Variants in TTK observed in about 807,000 individuals in gnomAD.
TTK encodes TTK protein kinase.
TTK carries 59 observed loss-of-function variants against 117.3 expected under a neutral mutation model. That is an observed-to-expected ratio of 0.50 (90% CI 0.41 to 0.62). The LOEUF (loss-of-function observed/expected upper bound fraction) is 0.62. TTK is among the 20% of genes least tolerant of loss of function. The pLI is 0.00. For synonymous variants in TTK, 302 were observed against 325.0 expected, an observed-to-expected ratio of 0.93 and a Z score of 0.76; for missense variants, 921 against 989.4, an observed-to-expected ratio of 0.93 and a Z score of 0.93.
chr6:80,030,555 T>A (rs981287984), intron 13 of TTK, among the ~76,000 whole-genome samples: 1 of 152,100 alleles, frequency 6.6e-6, no homozygotes, highest in Non-Finnish European at 1.5e-5. Context: ...CTCAGGAAAC[T>A]TTCAATCATG....
chr6:80,022,421 A>T lies in TTK; in HGVS notation c.1206A>T (p.Ala402=). The T allele has an allele frequency of 6.2e-7, 1 of 1,614,068 alleles. No individual in the cohort carries two copies. Among genetic ancestry groups the T allele is most frequent in the Non-Finnish European group, 8.5e-7 (1 of 1,179,978 alleles). ...AGTGTATTAACCAGAATCCTGCTGC[A>T]TCTTCAAATCACTGGCAGATTCCGG... is the stretch of plus-strand genomic sequence containing the variant. ...KSECINQNPA[A]SSNHWQIPEL... The change falls in exon 11 of 22, where the codon GCA becomes GCT. Residue 402 remains alanine (A), a synonymous_variant. Coordinates refer to ENST00000369798, the MANE Select transcript of TTK (RefSeq NM_003318.5).
intron 4 of TTK, 113 bp downstream of exon 4, chr6:80,008,605 G>T (rs1226940270): frequency 1.1e-6 from 1 of 920,900 alleles, no homozygotes; most frequent in Admixed American, 3.1e-5. Flanking sequence ...AGACATTAAA[G>T]TTGATCAGAT....
intron 21 of TTK, among the ~76,000 whole-genome samples, chr6:80,041,379 A>G (rs898356114): frequency 6.6e-6 from 1 of 151,834 alleles, no homozygotes; most frequent in Non-Finnish European, 1.5e-5. Context: ...GAAGGAATTT[A>G]CTATATATTC....
At chr6:80,010,691 A>T (rs1316573273) in intron 4 of TTK, 123 bp from the exon 5 acceptor site, 1 of 966,366 alleles carries the variant, frequency 1.0e-6, no homozygotes, top group Non-Finnish European at 1.5e-6. Context: ...GAGCCTTGGA[A>T]TAAATATTTT....
At chr6:80,022,512 A>G (rs1434151007) in intron 11 of TTK, 40 bp downstream of exon 11, 13 of 1,596,142 alleles carry the variant, frequency 8.1e-6, no homozygotes, top group Non-Finnish European at 1.1e-5. Flanking sequence ...TTTTTTGTTC[A>G]TAATGCATTT....
chr6:80,024,748 A>G (rs1767561475), intron 11 of TTK, among the ~76,000 whole-genome samples: 1 of 152,230 alleles, frequency 6.6e-6, no homozygotes, highest in Non-Finnish European at 1.5e-5. Flanking sequence ...AAGAAAAAGT[A>G]TAGAATCTAG....
rs774160816 is a variant in TTK at position 80,011,972 on chromosome 6, T to A, written c.888T>A (p.Phe296Leu). The A allele has an allele frequency of 6.2e-7, 1 of 1,605,762 alleles. No individual in the cohort carries two copies. The highest frequency in any genetic ancestry group is 1.3e-5 in the African/African-American group (1 of 74,612). The change falls in exon 8 of 22, where the codon TTT becomes TTA. Residue 296 changes from phenylalanine (F) to leucine (L), a missense_variant. Physicochemically the swap from Phe to Leu is conservative, Grantham distance 22 (BLOSUM62 0). Coordinates refer to ENST00000369798, the MANE Select transcript of TTK (RefSeq NM_003318.5). ...CAGATGATTCAGTTGTACCTTGTTT[T>A]ATGAAAAGGTATGTTGAGTTTTAAT... ...VKTDDSVVPCFMKRQTSRSEC... is the reference protein window; with the variant it reads ...VKTDDSVVPCLMKRQTSRSEC...
chr6:80,029,102 T>G (rs888034184), intron 13 of TTK, among the ~76,000 whole-genome samples: 1 of 152,072 alleles, frequency 6.6e-6, no homozygotes, highest in Non-Finnish European at 1.5e-5. Context: ...AACCCATGAG[T>G]AATTAACTAT....
At chr6:80,018,461 CAA>C (rs34854423) in intron 10 of TTK, among the ~76,000 whole-genome samples, 73 of 144,276 alleles carry the variant, frequency 5.1e-4, no homozygotes, top group Middle Eastern at 3.6e-3. Flanking sequence ...GCTAAAAATA[CAA>C]AAAAAAAAAA....
At chr6:80,032,681 A>G (rs1767790877) in intron 14 of TTK, among the ~76,000 whole-genome samples, 1 of 152,146 alleles carries the variant, frequency 6.6e-6, no homozygotes, top group Non-Finnish European at 1.5e-5. Flanking sequence ...TATCTAGCCA[A>G]TCAGCAGATC....
intron 17 of TTK, 68 bp from the exon 18 acceptor site, chr6:80,037,899 T>A: frequency 1.3e-6 from 1 of 789,500 alleles, no homozygotes; most frequent in Non-Finnish European, 1.8e-6. Context: ...AATAATAATC[T>A]CAAAAAAAAA....
Position 80,039,855 on chromosome 6 carries a change from C to A in TTK, c.2290C>A (p.Leu764Ile). Residue 764 changes from leucine (L) to isoleucine (I), a missense_variant, in exon 19 of 22, where the codon CTT becomes ATT. Transcript: ENST00000369798. ...ATTTCCCGATATTCCAGAGAAAGAT[C>A]TTCAAGATGTGTTAAAGGTAATATT... is the stretch of plus-strand genomic sequence containing the variant. ...IEFPDIPEKD[L>I]QDVLKCCLKR... 6.4e-7 allele frequency: 1 copy of A among 1,572,140 alleles called. No individual in the cohort carries two copies. The highest frequency in any genetic ancestry group is 8.6e-7 in the Non-Finnish European group (1 of 1,162,128).
At chr6:80,040,145 A>G (rs1768007563) in intron 19 of TTK, 51 bp from the exon 20 acceptor site, 1 of 1,374,760 alleles carries the variant, frequency 7.3e-7, no homozygotes, top group Non-Finnish European at 9.8e-7. Flanking sequence ...TATCAATATC[A>G]TATATGAAAA....
chr6:80,042,067 C>G (rs368622626), intron 21 of TTK, 52 bp from the exon 22 acceptor site: 21 of 1,087,514 alleles, frequency 1.9e-5, no homozygotes, highest in Non-Finnish European at 2.7e-5. Flanking sequence ...ACTGATGTGA[C>G]AGTACATTTA....
chr6:80,022,994 C>T (rs1486637568), intron 11 of TTK, among the ~76,000 whole-genome samples: 1 of 152,168 alleles, frequency 6.6e-6, no homozygotes, highest in Non-Finnish European at 1.5e-5. Flanking sequence ...GCCTAGACAA[C>T]GTACATGAAT....
chr6:80,035,363 C>T lies in TTK; in HGVS notation c.1870C>T (p.Arg624Cys), dbSNP rs200822002. ...KKKKSIDPWE[R>C]KSYWKNMLEA... Reference sequence around the variant, plus strand: ...GAAAAAATCCATTGATCCATGGGAACGCAAGAGTTACTGGAAAAATATGTT... The same window carrying T: ...GAAAAAATCCATTGATCCATGGGAATGCAAGAGTTACTGGAAAAATATGTT... The change falls in exon 16 of 22, where the codon CGC becomes TGC. Residue 624 changes from arginine (R) to cysteine (C), a missense_variant. Arg to Cys is a radical substitution (Grantham distance 180). Transcript: ENST00000369798. 13 of 1,611,506 alleles carry T rather than the reference C, an allele frequency of 8.1e-6. No homozygotes were observed. The highest frequency in any genetic ancestry group is 4.4e-5 in the South Asian group (4 of 90,596).
At chr6:80,017,147 C>A (rs1767327814) in intron 10 of TTK, among the ~76,000 whole-genome samples, 1 of 152,208 alleles carries the variant, frequency 6.6e-6, no homozygotes, top group African/African-American at 2.4e-5. Context: ...TATTTTTCCC[C>A]ATAATGGATA....
chr6:80,015,914 ACCT>A (rs1767294434), intron 10 of TTK, among the ~76,000 whole-genome samples: 1 of 151,850 alleles, frequency 6.6e-6, no homozygotes, highest in Admixed American at 6.6e-5. Context: ...CACCTCAATA[ACCT>A]CCTTGATCCT....
In TTK at chr6:80,035,355, C is replaced by A; in HGVS notation, c.1862C>A (p.Pro621Gln). 6.2e-7 allele frequency: 1 copy of A among 1,612,374 alleles called. No individual in the cohort carries two copies. The highest frequency in any genetic ancestry group is 8.5e-7 in the Non-Finnish European group (1 of 1,179,162). ...CTTAAAAAGAAAAAATCCATTGATCCATGGGAACGCAAGAGTTACTGGAAA... is the reference window on the plus strand; with the variant it reads ...CTTAAAAAGAAAAAATCCATTGATCAATGGGAACGCAAGAGTTACTGGAAA... ...SWLKKKKSIDPWERKSYWKNM... is the reference protein window; with the variant it reads ...SWLKKKKSIDQWERKSYWKNM... Residue 621 changes from proline to glutamine, a missense_variant, in exon 16 of 22, where the codon CCA becomes CAA. Pro to Gln is a moderately conservative substitution (Grantham distance 76). Transcript: ENST00000369798.
Sources: allele counts gnomAD v4.1 joint callset (sites outside exome capture counted in the v4.1 genomes callset), GRCh38; gene constraint gnomAD v4.1.1; transcripts MANE v1.5; gene names NCBI Gene and HGNC (gene_info 2026-07-23, HGNC 2026-07-21).